Variants in ZNF804B observed in about 807,000 individuals in gnomAD.
The protein encoded by ZNF804B is zinc finger protein 804B, also known as zinc finger 804B.
A neutral mutation model predicts 101.4 loss-of-function variants in ZNF804B; 80 were observed. The observed-to-expected ratio is 0.79, with a 90% CI of 0.66 to 0.95. ZNF804B has a LOEUF of 0.95. Among genes scored for constraint, ZNF804B ranks in the 40% least tolerant of loss-of-function variants. ZNF804B has a pLI of 0.00. For missense variants in ZNF804B, 1,673 were observed against 1,561.9 expected, an observed-to-expected ratio of 1.07 and a Z score of -1.20; for synonymous variants, 622 against 558.8, an observed-to-expected ratio of 1.11 and a Z score of -1.59.
intron 1 of ZNF804B, among the ~76,000 whole-genome samples, chr7:88,879,076 A>G (rs919284664): frequency 6.6e-6 from 1 of 152,240 alleles, no homozygotes; most frequent in Admixed American, 6.5e-5. Flanking sequence ...AGAAAACAGT[A>G]TAAAAAGGAC....
intron 1 of ZNF804B, among the ~76,000 whole-genome samples, chr7:88,763,677 A>G (rs746069434): frequency 7.2e-5 from 11 of 152,140 alleles, no homozygotes; most frequent in Non-Finnish European, 1.2e-4. Context: ...CCCCGACTCT[A>G]TCTAAACTCT....
intron 2 of ZNF804B, among the ~76,000 whole-genome samples, chr7:89,252,892 G>A (rs1311064692): frequency 1.3e-5 from 2 of 151,998 alleles, no homozygotes; most frequent in Non-Finnish European, 2.9e-5. Context: ...GGAAGGAGGG[G>A]GACAATTTTT....
chr7:88,935,822 A>C (rs961731822), intron 1 of ZNF804B, among the ~76,000 whole-genome samples: 1 of 151,964 alleles, frequency 6.6e-6, no homozygotes, highest in African/African-American at 2.4e-5. Flanking sequence ...TTCAACTACT[A>C]ATGACAGTTA....
At chr7:88,823,463 CT>C (rs1251786225) in intron 1 of ZNF804B, among the ~76,000 whole-genome samples, 2 of 152,122 alleles carry the variant, frequency 1.3e-5, no homozygotes, top group Admixed American at 6.5e-5. Context: ...TATCTCCTGA[CT>C]GATGCCACAA....
At chr7:88,996,853 G>A (rs1788208492) in intron 1 of ZNF804B, among the ~76,000 whole-genome samples, 1 of 152,080 alleles carries the variant, frequency 6.6e-6, no homozygotes, top group African/African-American at 2.4e-5. Context: ...GGTTGAAATT[G>A]AGCCAGGAGT....
At chr7:88,972,851 A>G (rs1793557859) in intron 1 of ZNF804B, among the ~76,000 whole-genome samples, 1 of 151,462 alleles carries the variant, frequency 6.6e-6, no homozygotes, top group South Asian at 2.1e-4. Context: ...GAAGGAAAGG[A>G]GAAATACAGG....
At chr7:88,809,317 A>G (rs1309446741) in intron 1 of ZNF804B, among the ~76,000 whole-genome samples, 3 of 48,754 alleles carry the variant, frequency 6.2e-5, no homozygotes, top group Non-Finnish European at 3.7e-5. Flanking sequence ...CTATCTATCT[A>G]TCTATCTATC....
chr7:88,907,470 G>T (rs916188453), intron 1 of ZNF804B, among the ~76,000 whole-genome samples: 1 of 151,986 alleles, frequency 6.6e-6, no homozygotes, highest in Non-Finnish European at 1.5e-5. Flanking sequence ...TGCTTCTACT[G>T]CTACTAAGGA....
At position 89,237,594 on chromosome 7, in the gene ZNF804B, G is replaced by C. The variant is rs191860152; in HGVS notation, c.249+19299G>C. On this transcript the variant is annotated intron_variant, in intron 2 of 3. Coordinates refer to ENST00000333190, the MANE Select transcript of ZNF804B (RefSeq NM_181646.5). ...GTAGTATGTTAGCTCTAGGCAGAAGGTGCAGGAATAAGTACAGTTCAGAGA... is the reference window on the plus strand; with the variant it reads ...GTAGTATGTTAGCTCTAGGCAGAAGCTGCAGGAATAAGTACAGTTCAGAGA... Among the ~76,000 whole-genome samples, 4 of 152,234 alleles carry C rather than the reference G, an allele frequency of 2.6e-5. No homozygotes were observed. In the East Asian group the frequency reaches 7.7e-4, roughly 29 times the overall value.
intron 1 of ZNF804B, among the ~76,000 whole-genome samples, chr7:88,865,346 A>G (rs747308052): frequency 1.4e-4 from 22 of 152,092 alleles, no homozygotes; most frequent in Non-Finnish European, 3.1e-4. Context: ...AGCCTGGGCA[A>G]CATAGGGAAA....
intron 1 of ZNF804B, among the ~76,000 whole-genome samples, chr7:88,838,803 AAAT>A (rs1251634154): frequency 6.6e-6 from 1 of 152,000 alleles, no homozygotes; most frequent in African/African-American, 2.4e-5. Context: ...TTGAACTAAT[AAAT>A]ATAAAAGTCT....
chr7:88,981,683 C>T (rs1023220775), intron 1 of ZNF804B, among the ~76,000 whole-genome samples: 1 of 151,982 alleles, frequency 6.6e-6, no homozygotes, highest in African/African-American at 2.4e-5. Flanking sequence ...GGATGATTCC[C>T]CTCTGGCTAG....
chr7:89,315,810 C>T (rs561697903), intron 2 of ZNF804B, among the ~76,000 whole-genome samples: 4 of 152,168 alleles, frequency 2.6e-5, no homozygotes, highest in East Asian at 1.9e-4. Context: ...ATTGATCCTG[C>T]GCTGGCAGAA....
At chr7:88,760,688 G>A (rs1322835007) in intron 1 of ZNF804B, among the ~76,000 whole-genome samples, 1 of 151,672 alleles carries the variant, frequency 6.6e-6, no homozygotes, top group Non-Finnish European at 1.5e-5. Context: ...TGCAATTAAC[G>A]TGATTGCTTT....
intron 1 of ZNF804B, among the ~76,000 whole-genome samples, chr7:88,771,154 T>C (rs979608166): frequency 6.6e-5 from 10 of 152,168 alleles, no homozygotes; most frequent in African/African-American, 2.4e-4. Context: ...ATCAAATCAT[T>C]TTAAGGGGAT....
intron 2 of ZNF804B, among the ~76,000 whole-genome samples, chr7:89,317,663 C>G (rs1464242540): frequency 6.6e-6 from 1 of 152,142 alleles, no homozygotes; most frequent in South Asian, 2.1e-4. Context: ...TGCAAGGTCA[C>G]CACTCAACAT....
intron 2 of ZNF804B, among the ~76,000 whole-genome samples, chr7:89,235,396 C>A (rs908869987): frequency 6.6e-6 from 1 of 152,064 alleles, no homozygotes; most frequent in Non-Finnish European, 1.5e-5. Context: ...GAACTTCACA[C>A]GAAGTAATGG....
intron 1 of ZNF804B, among the ~76,000 whole-genome samples, chr7:88,915,760 A>G (rs779834350): frequency 3.3e-5 from 5 of 149,422 alleles, no homozygotes; most frequent in Non-Finnish European, 5.9e-5. Context: ...AATGGGAACA[A>G]AGTTATTTAT....
At chr7:89,218,106 A>T in intron 1 of ZNF804B, 49 bp from the exon 2 acceptor site, 1 of 1,562,814 alleles carries the variant, frequency 6.4e-7, no homozygotes, top group South Asian at 1.2e-5. Context: ...AGATCTGGTT[A>T]TGCTATTAGA....
Sources: allele counts gnomAD v4.1 joint callset (sites outside exome capture counted in the v4.1 genomes callset), GRCh38; gene constraint gnomAD v4.1.1; transcripts MANE v1.5; gene names NCBI Gene and HGNC (gene_info 2026-07-23, HGNC 2026-07-21).